The following CAMK1D variants were observed in gnomAD, a reference collection of about 807,000 sequenced individuals.
CAMK1D encodes calcium/calmodulin dependent protein kinase ID.
A neutral mutation model predicts 47.7 loss-of-function variants in CAMK1D; 9 were observed. That is an observed-to-expected ratio of 0.19 (90% CI 0.11 to 0.33). The LOEUF (loss-of-function observed/expected upper bound fraction) is 0.33. Among genes scored for constraint, CAMK1D ranks in the 10% least tolerant of loss-of-function variants. The pLI is 1.00. For synonymous variants in CAMK1D, 184 were observed against 184.9 expected (o/e 0.99, Z 0.04); for missense variants, 291 against 488.7 (o/e 0.60, Z 3.81).
chr10:12,453,350 C>T (rs11257801), intron 1 of CAMK1D, among the ~76,000 whole-genome samples: 37,100 of 151,666 alleles, frequency 0.24, 5,042 homozygotes, highest in Middle Eastern at 0.37. Flanking sequence ...CCACCACGCC[C>T]GGCTAATTGT....
chr10:12,589,379 T>C (rs1837929728), intron 2 of CAMK1D, among the ~76,000 whole-genome samples: 1 of 152,174 alleles, frequency 6.6e-6, no homozygotes, highest in Non-Finnish European at 1.5e-5. Flanking sequence ...AATGGTTTGG[T>C]GTCTAAAAGA....
At chr10:12,543,625 G>C (rs924074482) in intron 1 of CAMK1D, among the ~76,000 whole-genome samples, 1 of 152,076 alleles carries the variant, frequency 6.6e-6, no homozygotes, top group Non-Finnish European at 1.5e-5. Flanking sequence ...ACAGGAGAAG[G>C]ATAAAAAACC....
intron 6 of CAMK1D, among the ~76,000 whole-genome samples, chr10:12,801,354 T>TATCTTATC (rs57429397): frequency 0.026 from 1,685 of 65,944 alleles, 34 homozygotes; most frequent in Non-Finnish European, 0.03. Context: ...TCTATCTATC[T>TATCTTATC]TATCTATCTA....
At chr10:12,546,419 T>A (rs4750233) in intron 1 of CAMK1D, among the ~76,000 whole-genome samples, 15,213 of 152,092 alleles carry the variant, frequency 0.1, 969 homozygotes, top group South Asian at 0.15. Context: ...ACTGATTAAA[T>A]GAAAAAGAGA....
intron 3 of CAMK1D, among the ~76,000 whole-genome samples, chr10:12,707,093 G>A (rs149139542): frequency 6.6e-5 from 10 of 152,280 alleles, no homozygotes; most frequent in African/African-American, 1.9e-4. Context: ...TAGGAGTTAC[G>A]GAAGGAGAGG....
At chr10:12,746,066 C>T (rs1248555988) in intron 3 of CAMK1D, among the ~76,000 whole-genome samples, 1 of 152,140 alleles carries the variant, frequency 6.6e-6, no homozygotes, top group African/African-American at 2.4e-5. Context: ...AATATTTGTC[C>T]TGATGCCGAC....
intron 1 of CAMK1D, among the ~76,000 whole-genome samples, chr10:12,541,579 T>G (rs1378939391): frequency 6.6e-6 from 1 of 152,144 alleles, no homozygotes; most frequent in African/African-American, 2.4e-5. Flanking sequence ...CAGGCTGGTC[T>G]CGAACTCCTG....
intron 1 of CAMK1D, among the ~76,000 whole-genome samples, chr10:12,446,310 G>A (rs1279721394): frequency 1.3e-5 from 2 of 152,196 alleles, no homozygotes; most frequent in East Asian, 3.8e-4. Context: ...TAAACAAGGG[G>A]TGAATTATTC....
intron 6 of CAMK1D, among the ~76,000 whole-genome samples, chr10:12,791,661 T>A (rs1837983689): frequency 7.6e-6 from 1 of 132,332 alleles, no homozygotes; most frequent in Non-Finnish European, 1.6e-5. Flanking sequence ...GAATTTCCTT[T>A]CATTTTAAAA....
chr10:12,809,154 A>G (rs975659958), intron 6 of CAMK1D, among the ~76,000 whole-genome samples: 6 of 152,140 alleles, frequency 3.9e-5, no homozygotes, highest in African/African-American at 1.4e-4. Flanking sequence ...CTTTTTAAAA[A>G]TCACTGCCTG....
chr10:12,401,846 G>T (rs1839236676), intron 1 of CAMK1D, among the ~76,000 whole-genome samples: 2 of 151,774 alleles, frequency 1.3e-5, no homozygotes, highest in Admixed American at 1.3e-4. Context: ...TAGTGAGAGA[G>T]AAAGCTGAAA....
chr10:12,477,166 A>C (rs12779253), intron 1 of CAMK1D, among the ~76,000 whole-genome samples: 1 of 152,214 alleles, frequency 6.6e-6, no homozygotes, highest in African/African-American at 2.4e-5. Context: ...CTGTAATCCC[A>C]GCACTTTGGG....
At chr10:12,542,774 G>A (rs1003106844) in intron 1 of CAMK1D, among the ~76,000 whole-genome samples, 5 of 152,226 alleles carry the variant, frequency 3.3e-5, no homozygotes, top group Admixed American at 2.6e-4. Flanking sequence ...ACCGAGTCTC[G>A]CTCTGTCGCC....
intron 1 of CAMK1D, among the ~76,000 whole-genome samples, chr10:12,464,797 A>G (rs2132061870): frequency 6.8e-6 from 1 of 146,532 alleles, no homozygotes; most frequent in Non-Finnish European, 1.5e-5. Flanking sequence ...CCTGGGTGAC[A>G]GAGCGAGACT....
chr10:12,743,683 C>T (rs1431295059), intron 3 of CAMK1D, among the ~76,000 whole-genome samples: 1 of 152,198 alleles, frequency 6.6e-6, no homozygotes. Context: ...ATTTCTCTTT[C>T]CTTCCCAGCA....
intron 3 of CAMK1D, among the ~76,000 whole-genome samples, chr10:12,730,375 C>T (rs1435939400): frequency 4.6e-5 from 7 of 152,122 alleles, no homozygotes; most frequent in East Asian, 3.9e-4. Context: ...GGGTCAGCAC[C>T]GATTTGGGGG....
At chr10:12,643,453 A>G (rs999570538) in intron 2 of CAMK1D, among the ~76,000 whole-genome samples, 3 of 152,116 alleles carry the variant, frequency 2.0e-5, no homozygotes, top group African/African-American at 7.2e-5. Flanking sequence ...GTTTGTATTT[A>G]CAGCTGCTCC....
Position 12,746,403 on chromosome 10 carries a change from A to T in CAMK1D, c.300-14545A>T, listed in dbSNP as rs564369105. ...AAGTTAGTGAATCTCAAATCTGTCCACTTGAGGCTAACACATTTTAGAAAA... is the reference window on the plus strand; with the variant it reads ...AAGTTAGTGAATCTCAAATCTGTCCTCTTGAGGCTAACACATTTTAGAAAA... On this transcript the variant is annotated intron_variant, in intron 3 of 10. Coordinates refer to ENST00000619168, the MANE Select transcript of CAMK1D (RefSeq NM_153498.4). Among the ~76,000 whole-genome samples the T allele has an allele frequency of 1.4e-4, 21 of 151,826 alleles. No homozygotes were observed. The South Asian group carries it at 4.4e-3, about 32-fold the overall frequency.
chr10:12,734,373 TATATAGATATAGATATAG>T (rs1405230222), intron 3 of CAMK1D, among the ~76,000 whole-genome samples: 1 of 13,510 alleles, frequency 7.4e-5, no homozygotes, highest in African/African-American at 2.9e-4. Flanking sequence ...TATATATATA[TATATAGATATAGATATAG>T]ATATATATAT....
Sources: allele counts gnomAD v4.1 joint callset (sites outside exome capture counted in the v4.1 genomes callset), GRCh38; gene constraint gnomAD v4.1.1; transcripts MANE v1.5; gene names NCBI Gene and HGNC (gene_info 2026-07-23, HGNC 2026-07-21).